The following LSAMP variants were observed in gnomAD, a reference collection of about 807,000 sequenced individuals.
The protein encoded by LSAMP is limbic system-associated membrane protein.
Under a neutral mutation model 38.6 loss-of-function variants are expected in LSAMP, and 7 were observed. The ratio of observed to expected loss-of-function variants is 0.18; its 90% CI spans 0.10 to 0.34. LSAMP has a LOEUF of 0.34. Among genes scored for constraint, LSAMP ranks in the 10% least tolerant of loss-of-function variants. The pLI is 1.00. For missense variants in LSAMP, 313 were observed against 420.0 expected, an observed-to-expected ratio of 0.75 and a Z score of 2.23; for synonymous variants, 154 against 166.8, an observed-to-expected ratio of 0.92 and a Z score of 0.59.
intron 2 of LSAMP, among the ~76,000 whole-genome samples, chr3:116,053,378 T>C (rs1250689351): frequency 1.3e-5 from 2 of 152,068 alleles, no homozygotes; most frequent in Non-Finnish European, 2.9e-5. Flanking sequence ...ATCCAGGAAG[T>C]GAGACAGGAA....
intron 3 of LSAMP, among the ~76,000 whole-genome samples, chr3:115,855,127 T>C (rs1431973631): frequency 6.6e-6 from 1 of 152,030 alleles, no homozygotes; most frequent in Non-Finnish European, 1.5e-5. Flanking sequence ...CTAGAAATGG[T>C]GGATTATGGG....
intron 1 of LSAMP, among the ~76,000 whole-genome samples, chr3:116,271,192 A>T (rs2046967505): frequency 6.6e-6 from 1 of 152,100 alleles, no homozygotes. Context: ...GCTTATTTTT[A>T]GTATAAAAAT....
intron 1 of LSAMP, among the ~76,000 whole-genome samples, chr3:116,175,693 T>C (rs1021907892): frequency 3.3e-5 from 5 of 152,088 alleles, no homozygotes; most frequent in Non-Finnish European, 7.4e-5. Context: ...ATTTATATCT[T>C]ATAATCTTTC....
At chr3:115,882,953 A>C (rs1011827151) in intron 3 of LSAMP, among the ~76,000 whole-genome samples, 10 of 152,020 alleles carry the variant, frequency 6.6e-5, no homozygotes, top group African/African-American at 2.4e-4. Context: ...AACTATCTGG[A>C]CGATAGTTAA....
intron 3 of LSAMP, among the ~76,000 whole-genome samples, chr3:115,911,288 A>G (rs1055274143): frequency 1.3e-5 from 2 of 152,218 alleles, no homozygotes; most frequent in Non-Finnish European, 2.9e-5. Context: ...TCAATCATTG[A>G]GAAACATATG....
At chr3:116,298,812 G>C (rs966409731) in intron 1 of LSAMP, among the ~76,000 whole-genome samples, 1 of 151,968 alleles carries the variant, frequency 6.6e-6, no homozygotes, top group African/African-American at 2.4e-5. Flanking sequence ...TTTATTTCCC[G>C]TTATATTTAG....
rs185271726 is a variant in LSAMP at position 116,154,746 on chromosome 3, A to G, written c.156-68190T>C. 3.7e-4 allele frequency among the ~76,000 whole-genome samples: 57 copies of G among 152,206 alleles called. No individual in the cohort carries two copies. The East Asian group carries it at 0.01, about 27-fold the overall frequency. ...CTTAGTCATTTTATTGATAACCTCA[A>G]AGAGGTCTCCAAAGTAGGATGTGAG... On this transcript the variant is annotated intron_variant, in intron 1 of 6. Coordinates refer to ENST00000490035, the MANE Select transcript of LSAMP (RefSeq NM_002338.5).
intron 3 of LSAMP, among the ~76,000 whole-genome samples, chr3:115,974,338 C>A (rs893756686): frequency 2.0e-5 from 3 of 151,820 alleles, no homozygotes; most frequent in Non-Finnish European, 4.4e-5. Context: ...AGCTACACTT[C>A]ATCTCAAAAA....
chr3:116,325,998 T>A (rs1244030328), intron 1 of LSAMP, among the ~76,000 whole-genome samples: 1 of 152,198 alleles, frequency 6.6e-6, no homozygotes, highest in Non-Finnish European at 1.5e-5. Context: ...CAATTGATGA[T>A]CAAAAGCTGA....
At chr3:116,078,759 T>C (rs1280315542) in intron 2 of LSAMP, among the ~76,000 whole-genome samples, 2 of 152,360 alleles carry the variant, frequency 1.3e-5, no homozygotes, top group East Asian at 1.9e-4. Flanking sequence ...CCGTGTACTT[T>C]TGGCATGACT....
chr3:115,855,596 C>A (rs1935481414), intron 3 of LSAMP, among the ~76,000 whole-genome samples: 2 of 152,214 alleles, frequency 1.3e-5, no homozygotes, highest in African/African-American at 4.8e-5. Context: ...GGAGCAGGCT[C>A]AAGGTGCAAA....
At chr3:115,911,498 C>A (rs959473972) in intron 3 of LSAMP, among the ~76,000 whole-genome samples, 4 of 152,090 alleles carry the variant, frequency 2.6e-5, no homozygotes, top group Admixed American at 6.5e-5. Flanking sequence ...ACTACAGGTG[C>A]CTGCCACCAC....
At chr3:116,319,485 A>G (rs955819965) in intron 1 of LSAMP, among the ~76,000 whole-genome samples, 1 of 152,242 alleles carries the variant, frequency 6.6e-6, no homozygotes, top group African/African-American at 2.4e-5. Context: ...TGTAACACTT[A>G]GAGGGGCTTT....
At chr3:116,359,392 A>C (rs558675992) in intron 1 of LSAMP, among the ~76,000 whole-genome samples, 4 of 152,324 alleles carry the variant, frequency 2.6e-5, no homozygotes, top group African/African-American at 7.2e-5. Flanking sequence ...TCTCCAACAA[A>C]GCAGTATGGA....
intron 2 of LSAMP, among the ~76,000 whole-genome samples, chr3:116,049,324 A>G (rs1308278950): frequency 6.6e-6 from 1 of 152,198 alleles, no homozygotes; most frequent in Non-Finnish European, 1.5e-5. Flanking sequence ...AAAACCAGGG[A>G]GCAAGCCATT....
chr3:116,392,899 T>A (rs566858721), intron 1 of LSAMP, among the ~76,000 whole-genome samples: 2 of 152,086 alleles, frequency 1.3e-5, no homozygotes, highest in South Asian at 4.2e-4. Flanking sequence ...TGTTGAGAAC[T>A]AAGGAAATGA....
chr3:116,173,473 C>G (rs112763554), intron 1 of LSAMP, among the ~76,000 whole-genome samples: 1,773 of 140,190 alleles, frequency 0.013, 13 homozygotes, highest in Admixed American at 0.021. Context: ...GTGGCAAATG[C>G]CCACTAATAA....
intron 6 of LSAMP, among the ~76,000 whole-genome samples, chr3:115,822,817 C>T (rs1268776004): frequency 6.6e-6 from 1 of 152,216 alleles, no homozygotes; most frequent in African/African-American, 2.4e-5. Context: ...GAATGCTACA[C>T]TTTACTTTCA....
At position 115,814,858 on chromosome 3, in the gene LSAMP, C is replaced by T. The variant is rs1452482772; in HGVS notation, c.920-4444G>A. 2.0e-5 allele frequency among the ~76,000 whole-genome samples: 3 copies of T among 152,176 alleles called. No individual in the cohort carries two copies. The East Asian group carries it at 5.8e-4, about 29-fold the overall frequency. ...TAACAAAGGAGAACAGTAATCTACACAGTCTCCTAAGAATCTGCCTCCCGT... is the reference window on the plus strand; with the variant it reads ...TAACAAAGGAGAACAGTAATCTACATAGTCTCCTAAGAATCTGCCTCCCGT... On this transcript the variant is annotated intron_variant, in intron 6 of 6. Transcript: ENST00000490035.
Sources: gnomAD v4.1 joint callset for allele counts (sites outside exome capture counted in the v4.1 genomes callset) on GRCh38, gnomAD v4.1.1 for gene constraint, MANE v1.5 for transcripts, NCBI Gene and HGNC (gene_info 2026-07-23, HGNC 2026-07-21) for gene names.